The following SNED1 variants were observed in gnomAD, a reference collection of about 807,000 sequenced individuals.
The protein encoded by SNED1 is sushi, nidogen and EGF like domains 1.
A neutral mutation model predicts 166.7 loss-of-function variants in SNED1; 81 were observed. The observed-to-expected ratio is 0.49, with a 90% CI of 0.41 to 0.58. SNED1 has a LOEUF of 0.58. Ranked by LOEUF, SNED1 falls within the 20% of genes least tolerant of loss-of-function variation. SNED1 has a pLI of 0.00. For synonymous variants in SNED1, 762 were observed against 822.0 expected, an observed-to-expected ratio of 0.93 and a Z score of 1.25; for missense variants, 1,604 against 2,000.2, an observed-to-expected ratio of 0.80 and a Z score of 3.78.
At position 240,998,635 on chromosome 2, in the gene SNED1, C is replaced by T. The variant is rs1330268081; in HGVS notation, c.-203C>T. On this transcript the variant is annotated 5_prime_UTR_variant, in exon 1 of 32. Coordinates refer to ENST00000310397, the MANE Select transcript of SNED1 (RefSeq NM_001080437.3). The stretch of plus-strand genomic sequence containing the variant: ...GCGGGGCTGGCCCCGAACGCGGTCC[C>T]GCCCGGCGCTTTCCTCTGCGGAGCT... Among the ~76,000 whole-genome samples the T allele has an allele frequency of 3.3e-5, 5 of 151,676 alleles. No homozygotes were observed. Among genetic ancestry groups the T allele is most frequent in the Admixed American group, 3.3e-4 (5 of 15,236 alleles).
rs749680562 is a variant in SNED1, at chr2:241,036,803, G to C, written c.819G>C (p.Leu273=). 1.1e-5 allele frequency: 17 copies of C among 1,609,086 alleles called. No individual in the cohort carries two copies. The South Asian group carries it at 1.8e-4, about 17-fold the overall frequency. ...CTATGTCTGCAGCGTCCGTGTGCCTGGCCCTGCGCCCCTGCCTCAACGGCG... is the reference window on the plus strand; with the variant it reads ...CTATGTCTGCAGCGTCCGTGTGCCTCGCCCTGCGCCCCTGCCTCAACGGCG... ...GGCGHTTSVC[L]ALRPCLNGGK... The change falls in exon 5 of 32, where the codon CTG becomes CTC. Residue 273 remains leucine, a synonymous_variant. Coordinates refer to ENST00000310397, the MANE Select transcript of SNED1 (RefSeq NM_001080437.3).
At chr2:241,020,551 A>G (rs1371456616) in intron 1 of SNED1, among the ~76,000 whole-genome samples, 2 of 152,122 alleles carry the variant, frequency 1.3e-5, no homozygotes, top group Non-Finnish European at 2.9e-5. Flanking sequence ...TGGCTTTGGT[A>G]CTCTTGAACA....
At chr2:241,008,362 C>T (rs945843764) in intron 1 of SNED1, among the ~76,000 whole-genome samples, 3 of 152,250 alleles carry the variant, frequency 2.0e-5, no homozygotes, top group Admixed American at 6.5e-5. Context: ...CTCCTGCCTC[C>T]TATTCACCAC....
chr2:241,067,115 G>C (rs1241761548), intron 21 of SNED1, among the ~76,000 whole-genome samples: 1 of 152,234 alleles, frequency 6.6e-6, no homozygotes, highest in Non-Finnish European at 1.5e-5. Flanking sequence ...AGTGAAGACA[G>C]AGCCCGCCCT....
Position 241,067,885 on chromosome 2 carries a change from C to A in SNED1, c.3132C>A (p.His1044Gln). The A allele has an allele frequency of 6.2e-7, 1 of 1,613,558 alleles. No homozygotes were observed. Among genetic ancestry groups the A allele is most frequent in the Non-Finnish European group, 8.5e-7 (1 of 1,179,856 alleles). The stretch of plus-strand genomic sequence containing the variant: ...GTGGGGTCCGTGTGTCCATCCGCCA[C>A]CCTGAGGCCCTCAGGGACCAGGCCA... The part of the protein sequence containing the change: ...TVSGVRVSIR[H>Q]PEALRDQATD... The change falls in exon 22 of 32, where the codon CAC becomes CAA. Residue 1044 changes from histidine to glutamine, a missense_variant. Physicochemically the swap from His to Gln is conservative, Grantham distance 24. Coordinates refer to ENST00000310397, the MANE Select transcript of SNED1 (RefSeq NM_001080437.3).
chr2:241,024,235 CTTTTTTTTTTTTTT>C (rs10664618), intron 1 of SNED1, among the ~76,000 whole-genome samples: 2 of 46,908 alleles, frequency 4.3e-5, no homozygotes, highest in Admixed American at 6.9e-4. Flanking sequence ...ACTCTACTAC[CTTTTTTTTTTTTTT>C]TTTTTTTTTT....
At chr2:241,063,934 C>T in intron 18 of SNED1, 78 bp from the exon 19 acceptor site, 1 of 1,136,048 alleles carries the variant, frequency 8.8e-7, no homozygotes. Flanking sequence ...TCCTCCTTTC[C>T]CTTCTTCCCG....
rs756753352 is a variant in SNED1, at chr2:241,070,183, C to G, written c.3571C>G (p.His1191Asp). 5 of 1,605,980 alleles carry G rather than the reference C, an allele frequency of 3.1e-6. No individual in the cohort carries two copies. Among genetic ancestry groups the G allele is most frequent in the Non-Finnish European group, 4.2e-6 (5 of 1,178,616 alleles). Residue 1191 changes from histidine (H) to aspartate (D), a missense_variant, in exon 24 of 32, where the codon CAC becomes GAC. By Grantham distance (81) the His-to-Asp change is moderately conservative. This residue lies in a region of SNED1 where 367 missense variants were observed against 379.4 expected (regional missense o/e 0.97). Coordinates refer to ENST00000310397, the MANE Select transcript of SNED1 (RefSeq NM_001080437.3). ...CGGGCCGCAGCACAGCGAGCCCGCCCACCTCTACATCATCACCTGTGAGTG... is the reference window on the plus strand; with the variant it reads ...CGGGCCGCAGCACAGCGAGCCCGCCGACCTCTACATCATCACCTGTGAGTG... Reference protein sequence around the residue: ...ELGPQHSEPAHLYIITSPRDG... With the variant: ...ELGPQHSEPADLYIITSPRDG...
rs370393732 is a variant in SNED1, at chr2:241,036,807, C to T, written c.823C>T (p.Leu275=). 168 of 1,609,500 alleles carry T rather than the reference C, an allele frequency of 1.0e-4. 1 individual carries two copies. The African/African-American group carries it at 1.8e-3, about 18-fold the overall frequency. Residue 275 remains leucine, a synonymous_variant, in exon 5 of 32, where the codon CTG becomes TTG. Coordinates refer to ENST00000310397, the MANE Select transcript of SNED1 (RefSeq NM_001080437.3). ...GTCTGCAGCGTCCGTGTGCCTGGCC[C>T]TGCGCCCCTGCCTCAACGGCGGCAA... is the stretch of plus-strand genomic sequence containing the variant. ...CGHTTSVCLA[L]RPCLNGGKCI...
intron 1 of SNED1, among the ~76,000 whole-genome samples, chr2:241,024,125 G>A (rs997558529): frequency 1.3e-5 from 2 of 150,340 alleles, no homozygotes; most frequent in African/African-American, 2.5e-5. Flanking sequence ...GACCTCAAGT[G>A]CCTGCCTGGG....
chr2:241,058,202 G>GTC (rs1274679470), intron 16 of SNED1, among the ~76,000 whole-genome samples: 4 of 152,224 alleles, frequency 2.6e-5, no homozygotes, highest in African/African-American at 9.6e-5. Context: ...ATGAGAGGGT[G>GTC]TCTCTCAATG....
At position 241,093,452 on chromosome 2, in the gene SNED1, CTTA is replaced by C. The variant is rs1170196660; in HGVS notation, c.*1817_*1819del. ...AAATGCTAATATGCTCCAGTGTTAG[CTTA>C]GAAGCCTTGTGTCAACAAGAACTGG... On this transcript the variant is annotated 3_prime_UTR_variant, in exon 32 of 32. Transcript: ENST00000310397. 166 of 136,730 alleles carry C rather than the reference CTTA, an allele frequency of 1.2e-3. No homozygotes were observed. The highest frequency in any genetic ancestry group is 1.6e-3 in the Non-Finnish European group (110 of 67,150). The allele number at this position is 136,730 out of a possible 1,614,324, so 8.5% of individuals were successfully genotyped here.
At position 241,064,602 on chromosome 2, in the gene SNED1, G is replaced by A. The variant is rs2062362295; in HGVS notation, c.2600-242G>A. ...TGGTGGCCTGTCCTGTCCTGATCCA[G>A]TGTCTCCTCCCCTCAGCCAGTCCGG... On this transcript the variant is annotated intron_variant, in intron 19 of 31. Transcript: ENST00000310397. This position sits in a 1 kb window ranked among gnomAD's most constrained non-coding sequence, Gnocchi z 7.0. Among the ~76,000 whole-genome samples, 1 of 152,220 alleles carries A rather than the reference G, an allele frequency of 6.6e-6. No homozygotes were observed. Among genetic ancestry groups the A allele is most frequent in the Non-Finnish European group, 1.5e-5 (1 of 68,030 alleles).
In SNED1 at chr2:241,052,124, C is replaced by T. The variant is rs766119456; in HGVS notation, c.1936C>T (p.Pro646Ser). The change falls in exon 14 of 32, where the codon CCC (proline) becomes TCC (serine). Residue 646 changes from proline to serine, a missense_variant. Coordinates refer to ENST00000310397, the MANE Select transcript of SNED1 (RefSeq NM_001080437.3). ...CATTGGCAAATACAAGTGTGACTGTCCCCCAGGCTTCTCCGGGCGGCACTG... is the reference window on the plus strand; with the variant it reads ...CATTGGCAAATACAAGTGTGACTGTTCCCCAGGCTTCTCCGGGCGGCACTG... ...HYIGKYKCDC[P>S]PGFSGRHCEI... 2 of 1,613,800 alleles carry T rather than the reference C, an allele frequency of 1.2e-6. No homozygotes were observed. The highest frequency in any genetic ancestry group is 1.3e-5 in the African/African-American group (1 of 75,014).
At position 241,050,102 on chromosome 2, in the gene SNED1, CTGTT is replaced by C. The variant is rs2061790756; in HGVS notation, c.1735+172_1735+175del. ...TGTGTATTTAGAGGTGAGCACCTCACTGTTTGGATGGTTCTGATCTGCACCAGTG... is the reference window on the plus strand; with the variant it reads ...TGTGTATTTAGAGGTGAGCACCTCACTGGATGGTTCTGATCTGCACCAGTG... On this transcript the variant is annotated intron_variant, in intron 12 of 31. Transcript: ENST00000310397. 3 of 683,656 alleles carry C rather than the reference CTGTT, an allele frequency of 4.4e-6. No individual in the cohort carries two copies. In the African/African-American group the frequency reaches 5.3e-5, roughly 12 times the overall value. The allele number at this position is 683,656 out of a possible 1,614,324, so 42.3% of individuals were successfully genotyped here. A position where few individuals can be genotyped will look rare whatever the true frequency, so the allele number is the denominator to read the frequency against.
Position 241,071,856 on chromosome 2 carries a change from C to T in SNED1, c.3795C>T (p.Ser1265=), listed in dbSNP as rs1292324678. 13 of 1,604,924 alleles carry T rather than the reference C, an allele frequency of 8.1e-6. No homozygotes were observed. The highest frequency in any genetic ancestry group is 1.1e-5 in the Non-Finnish European group (13 of 1,176,494). The stretch of plus-strand genomic sequence containing the variant: ...GCGCCAGGTTCGGTGGCTCACCCAG[C>T]AAAGCAGCCACCGTGAGATCACGTG... ...RVSARFGGSP[S]KAATVRSQPT... The change falls in exon 26 of 32, where the codon AGC becomes AGT. Residue 1265 remains serine (S), a synonymous_variant. Transcript: ENST00000310397.
chr2:241,069,321 A>T lies in SNED1; in HGVS notation c.3307+298A>T, dbSNP rs1285804764. 1.3e-5 allele frequency among the ~76,000 whole-genome samples: 2 copies of T among 152,134 alleles called. No homozygotes were observed. Among genetic ancestry groups the T allele is most frequent in the Non-Finnish European group, 2.9e-5 (2 of 68,002 alleles). Reference sequence around the variant, plus strand: ...GCCAGAGGACCTCACTGGGCCAGGGATACCCATGCTATCCAGGGCCCTTGT... The same window carrying T: ...GCCAGAGGACCTCACTGGGCCAGGGTTACCCATGCTATCCAGGGCCCTTGT... On this transcript the variant is annotated intron_variant, in intron 23 of 31. Transcript: ENST00000310397. This position sits in a 1 kb window ranked among gnomAD's most constrained non-coding sequence, Gnocchi z 4.9.
chr2:241,094,620 C>A lies in SNED1; in HGVS notation c.*2984C>A. On this transcript the variant is annotated 3_prime_UTR_variant, in exon 32 of 32. Transcript: ENST00000310397. The surrounding 1 kb of genome is among the most constrained non-coding windows in gnomAD (Gnocchi z 4.3). ...ACCATCTGAAGTTGTCACGAGTGAA[C>A]AGTCACATTACTGTTGTGGACCAGG... is the stretch of plus-strand genomic sequence containing the variant. The A allele has an allele frequency of 2.8e-6, 1 of 352,242 alleles. No homozygotes were observed. Among genetic ancestry groups the A allele is most frequent in the Non-Finnish European group, 5.6e-6 (1 of 179,628 alleles). The allele number at this position is 352,242 out of a possible 1,614,324, so 21.8% of individuals were successfully genotyped here.
Position 240,999,089 on chromosome 2 carries a change from A to G in SNED1, c.213+39A>G. 8.4e-7 allele frequency: 1 copy of G among 1,186,620 alleles called. No homozygotes were observed. Among genetic ancestry groups the G allele is most frequent in the South Asian group, 2.9e-5 (1 of 34,860 alleles). 73.5% of individuals were successfully genotyped at this position (1,186,620 alleles called of 1,614,324 possible). ...GGGCTCGCGGGGCGCCCGGGAGGGG[A>G]GGGAGCTGCGCCCCGGCCGCTGCCC... is the stretch of plus-strand genomic sequence containing the variant. On this transcript the variant is annotated intron_variant, in intron 1 of 31. Coordinates refer to ENST00000310397, the MANE Select transcript of SNED1 (RefSeq NM_001080437.3). This position sits in a 1 kb window ranked among gnomAD's most constrained non-coding sequence, Gnocchi z 5.8.
Sources: allele counts gnomAD v4.1 joint callset (sites outside exome capture counted in the v4.1 genomes callset), GRCh38; gene constraint gnomAD v4.1.1; regional missense constraint gnomAD v4.1.1; non-coding constraint Gnocchi (gnomAD v3.1); transcripts MANE v1.5; gene names NCBI Gene and HGNC (gene_info 2026-07-23, HGNC 2026-07-21).